CDC42: variants seen among roughly 807,000 people sequenced by gnomAD.
CDC42 encodes cell division cycle 42.
In CDC42, 1 loss-of-function variant was observed where a neutral mutation model predicts 20.8. The observed-to-expected ratio is 0.05, with a 90% confidence interval of 0.02 to 0.23. The LOEUF is 0.23. Ranked by LOEUF, CDC42 falls within the 10% of genes least tolerant of loss-of-function variation. The probability of loss-of-function intolerance (pLI) is 1.00; values close to 1 mark genes in which losing one functional copy is unlikely to be tolerated. For synonymous variants in CDC42, 72 were observed against 84.8 expected, an observed-to-expected ratio of 0.85 and a Z score of 0.83; for missense variants, 49 against 227.9, an observed-to-expected ratio of 0.21 and a Z score of 5.05.
In CDC42 at chr1:22,099,799, A is replaced by G. The variant is rs539091852; in HGVS notation, c.*8282A>G. Among the ~76,000 whole-genome samples the G allele has an allele frequency of 1.7e-4, 26 of 152,212 alleles. No individual in the cohort carries two copies. The highest frequency in any genetic ancestry group is 6.0e-4 in the African/African-American group (25 of 41,538). On this transcript the variant is annotated 3_prime_UTR_variant, in exon 6 of 6. Coordinates refer to ENST00000656825, the MANE Select transcript of CDC42 (RefSeq NM_001791.4). ...TAAAATTTGAGTGTTTATTCTCTAC[A>G]TGGCACTCTTTTAAGCCTTTGTGTG...
chr1:22,076,432 T>TAC lies in CDC42; in HGVS notation c.-50-1979_-50-1978dup, dbSNP rs369972777. Among the ~76,000 whole-genome samples the TAC allele has an allele frequency of 1.6e-3, 241 of 149,570 alleles. 1 individual carries two copies. The highest frequency in any genetic ancestry group is 3.5e-3 in the Middle Eastern group (1 of 286). ...GAGATCACGCCACTGCACTGACACA[T>TAC]ACACACACACACACACACAACAAGC... On this transcript the variant is annotated intron_variant, in intron 1 of 5. Transcript: ENST00000656825.
intron 1 of CDC42, among the ~76,000 whole-genome samples, chr1:22,069,887 T>A (rs1645466376): frequency 6.6e-6 from 1 of 152,002 alleles, no homozygotes; most frequent in Non-Finnish European, 1.5e-5. Context: ...CTCCGTCTCC[T>A]GGGCTCGGAT....
intron 5 of CDC42, among the ~76,000 whole-genome samples, chr1:22,087,759 T>C (rs1311775864): frequency 2.0e-5 from 3 of 152,242 alleles, no homozygotes; most frequent in Non-Finnish European, 4.4e-5. Flanking sequence ...TTTATGCTTA[T>C]GTTTTCAGGT....
rs1196145854 is a variant in CDC42, at chr1:22,092,904, G to A, written c.*1387G>A. ...TCTCATGTCTCAATTCTTTGTATAT[G>A]CATTCTTTTCAGATGTATTAAACAA... On this transcript the variant is annotated 3_prime_UTR_variant, in exon 6 of 6. Transcript: ENST00000656825. The A allele has an allele frequency of 3.3e-5, 5 of 152,478 alleles. No individual in the cohort carries two copies. The highest frequency in any genetic ancestry group is 5.9e-5 in the Non-Finnish European group (4 of 68,004). 9.4% of individuals were successfully genotyped at this position (152,478 alleles called of 1,614,324 possible). A position where few individuals can be genotyped will look rare whatever the true frequency, so the allele number is the denominator to read the frequency against.
At chr1:22,071,647 G>C (rs1038729323) in intron 1 of CDC42, among the ~76,000 whole-genome samples, 4 of 152,154 alleles carry the variant, frequency 2.6e-5, no homozygotes, top group African/African-American at 9.7e-5. Flanking sequence ...AAGTAGTTTT[G>C]ATTTTATTCT....
chr1:22,066,622 A>G (rs16826386), intron 1 of CDC42, among the ~76,000 whole-genome samples: 10 of 152,224 alleles, frequency 6.6e-5, no homozygotes, highest in Admixed American at 6.5e-4. Context: ...ATAAGGTAAT[A>G]TGAAAGGAGT....
intron 1 of CDC42, among the ~76,000 whole-genome samples, chr1:22,066,561 A>G (rs1171284025): frequency 6.6e-6 from 1 of 152,228 alleles, no homozygotes; most frequent in Non-Finnish European, 1.5e-5. Context: ...TTCTACTGCC[A>G]TATGACAGAT....
intron 1 of CDC42, among the ~76,000 whole-genome samples, chr1:22,066,375 C>T (rs532573531): frequency 3.6e-5 from 5 of 137,190 alleles, no homozygotes; most frequent in African/African-American, 1.3e-4. Context: ...ACCCTGTCTC[C>T]AAAAAAAAAA....
chr1:22,082,617 AGTTACT>A (rs1220281264), intron 3 of CDC42, among the ~76,000 whole-genome samples: 1 of 152,142 alleles, frequency 6.6e-6, no homozygotes, highest in African/African-American at 2.4e-5. Flanking sequence ...TTGTGCTTTG[AGTTACT>A]GTTACTGTTT....
chr1:22,064,270 A>G (rs1291776550), intron 1 of CDC42: 2 of 151,498 alleles, frequency 1.3e-5, no homozygotes, highest in Admixed American at 1.3e-4. Context: ...TTCCCTTCTA[A>G]TCAAATACTC....
chr1:22,098,730 G>C lies in CDC42; in HGVS notation c.*7213G>C, dbSNP rs145712490. ...ATTTGTGTCAGACATGAATTTTAGA[G>C]TATTTCTGGGCTATAGGTCATTACA... is the stretch of plus-strand genomic sequence containing the variant. On this transcript the variant is annotated 3_prime_UTR_variant, in exon 6 of 6. Coordinates refer to ENST00000656825, the MANE Select transcript of CDC42 (RefSeq NM_001791.4). 6.6e-5 allele frequency among the ~76,000 whole-genome samples: 10 copies of C among 152,188 alleles called. No homozygotes were observed. Among genetic ancestry groups the C allele is most frequent in the African/African-American group, 2.4e-4 (10 of 41,518 alleles).
At position 22,097,846 on chromosome 1, in the gene CDC42, G is replaced by T. The variant is rs1416711495; in HGVS notation, c.*6329G>T. On this transcript the variant is annotated 3_prime_UTR_variant, in exon 6 of 6. Transcript: ENST00000656825. ...TTAGTGGGGTCAGGATGGGAGGAGAGCCCTGATTTTAATGCAGTGTCATAG... is the reference window on the plus strand; with the variant it reads ...TTAGTGGGGTCAGGATGGGAGGAGATCCCTGATTTTAATGCAGTGTCATAG... 6.6e-6 allele frequency among the ~76,000 whole-genome samples: 1 copy of T among 152,214 alleles called. No individual in the cohort carries two copies. Among genetic ancestry groups the T allele is most frequent in the Admixed American group, 6.5e-5 (1 of 15,286 alleles).
At chr1:22,064,292 C>T (rs1485437639) in intron 1 of CDC42, 1 of 127,610 alleles carries the variant, frequency 7.8e-6, no homozygotes, top group Non-Finnish European at 1.6e-5. Context: ...TGTGAATGCT[C>T]TTTTTTTAAA....
At chr1:22,065,109 G>A (rs189342757) in intron 1 of CDC42, among the ~76,000 whole-genome samples, 2 of 152,334 alleles carry the variant, frequency 1.3e-5, no homozygotes. Context: ...CAAAGGAAAC[G>A]AGGCTTAAAA....
chr1:22,076,686 A>C (rs1199540576), intron 1 of CDC42, among the ~76,000 whole-genome samples: 1 of 152,188 alleles, frequency 6.6e-6, no homozygotes, highest in Non-Finnish European at 1.5e-5. Context: ...TTTGCTGCTT[A>C]CTATTATTAT....
At chr1:22,058,352 A>G (rs1244338137) in intron 1 of CDC42, among the ~76,000 whole-genome samples, 1 of 152,216 alleles carries the variant, frequency 6.6e-6, no homozygotes, top group Non-Finnish European at 1.5e-5. Context: ...AGTGTACCAC[A>G]ATTTATTGCA....
Position 22,098,012 on chromosome 1 carries a change from A to G in CDC42, c.*6495A>G, listed in dbSNP as rs1258273999. ...CAACCCTATTACAATAGAGCACAGG[A>G]TCATAACTGTTCTGTTTGCTCTGAT... On this transcript the variant is annotated 3_prime_UTR_variant, in exon 6 of 6. Transcript: ENST00000656825. Among the ~76,000 whole-genome samples, 1 of 151,704 alleles carries G rather than the reference A, an allele frequency of 6.6e-6. No homozygotes were observed. The highest frequency in any genetic ancestry group is 1.5e-5 in the Non-Finnish European group (1 of 67,976).
chr1:22,084,188 C>T (rs1315138595), intron 3 of CDC42, among the ~76,000 whole-genome samples: 2 of 152,020 alleles, frequency 1.3e-5, no homozygotes, highest in African/African-American at 4.8e-5. Flanking sequence ...GGGGTATATA[C>T]CCAGAAGTGG....
At chr1:22,073,917 C>T (rs1057235161) in intron 1 of CDC42, among the ~76,000 whole-genome samples, 1 of 152,062 alleles carries the variant, frequency 6.6e-6, no homozygotes, top group Non-Finnish European at 1.5e-5. Flanking sequence ...CCCCAAAGTG[C>T]TGGGATTACA....
Sources: gnomAD v4.1 joint callset for allele counts (sites outside exome capture counted in the v4.1 genomes callset) on GRCh38, gnomAD v4.1.1 for gene constraint, MANE v1.5 for transcripts, NCBI Gene and HGNC (gene_info 2026-07-23, HGNC 2026-07-21) for gene names.